UBE3D: variants seen among roughly 807,000 people sequenced by gnomAD.
UBE3D encodes the protein ubiquitin protein ligase E3D.
A neutral mutation model predicts 49.6 loss-of-function variants in UBE3D; 48 were observed. The observed-to-expected ratio is 0.97, with a 90% confidence interval of 0.77 to 1.23. UBE3D has a LOEUF of 1.23. Among genes scored for constraint, UBE3D ranks in the 50% most tolerant of loss-of-function variants. The pLI is 0.00. For missense variants in UBE3D, 452 were observed against 468.4 expected, an observed-to-expected ratio of 0.96 and a Z score of 0.32; for synonymous variants, 189 against 174.2, an observed-to-expected ratio of 1.08 and a Z score of -0.67.
chr6:83,006,351 G>A (rs1779979414), intron 8 of UBE3D, among the ~76,000 whole-genome samples: 1 of 152,192 alleles, frequency 6.6e-6, no homozygotes, highest in African/African-American at 2.4e-5. Context: ...TGCTTTTCCT[G>A]TATTTGGAGA....
chr6:82,927,641 T>A (rs1314187183), intron 9 of UBE3D, among the ~76,000 whole-genome samples: 1 of 151,878 alleles, frequency 6.6e-6, no homozygotes, highest in Non-Finnish European at 1.5e-5. Flanking sequence ...AAAGGTACTG[T>A]TTTTAATTCC....
chr6:83,016,760 AC>A (rs1342712312), intron 8 of UBE3D, among the ~76,000 whole-genome samples: 1 of 152,140 alleles, frequency 6.6e-6, no homozygotes, highest in Non-Finnish European at 1.5e-5. Context: ...TCAAGGTCCC[AC>A]AATAGGCCAT....
intron 9 of UBE3D, among the ~76,000 whole-genome samples, chr6:82,898,168 G>A (rs1252344314): frequency 1.3e-5 from 2 of 152,206 alleles, no homozygotes; most frequent in Non-Finnish European, 2.9e-5. Context: ...TCATTAAAAA[G>A]TCAGGAAACA....
At chr6:82,961,361 C>G (rs1171633672) in intron 8 of UBE3D, among the ~76,000 whole-genome samples, 2 of 152,156 alleles carry the variant, frequency 1.3e-5, no homozygotes, top group African/African-American at 2.4e-5. Flanking sequence ...CTAACACATC[C>G]AGGCACCAGG....
rs543886807 is a variant in UBE3D, at chr6:82,905,579, C to G, written c.1150-12537G>C. Among the ~76,000 whole-genome samples, 5 of 152,180 alleles carry G rather than the reference C, an allele frequency of 3.3e-5. No homozygotes were observed. In the East Asian group the frequency reaches 9.7e-4, roughly 29 times the overall value. ...TACCCTACAGTGGCCTCTAAATGTT[C>G]AAGTGGAAGGAAGAGCCACACATTT... On this transcript the variant is annotated intron_variant, in intron 9 of 9. Transcript: ENST00000369747.
At chr6:82,957,110 C>T (rs1776210516) in intron 9 of UBE3D, among the ~76,000 whole-genome samples, 1 of 152,150 alleles carries the variant, frequency 6.6e-6, no homozygotes, top group African/African-American at 2.4e-5. Flanking sequence ...GCCTGGGCAA[C>T]AGAGAGAGTC....
At chr6:82,959,395 G>A (rs969124472) in intron 8 of UBE3D, among the ~76,000 whole-genome samples, 1 of 151,458 alleles carries the variant, frequency 6.6e-6, no homozygotes, top group Non-Finnish European at 1.5e-5. Context: ...CCACCAGCCC[G>A]CAAACCTAGA....
At chr6:82,888,779 T>C (rs1280798533), downstream of UBE3D, among the ~76,000 whole-genome samples, 1 of 151,994 alleles carries the variant, frequency 6.6e-6, no homozygotes, top group African/African-American at 2.4e-5. Flanking sequence ...AAAAGAATGG[T>C]AGTACAGTTT....
At chr6:82,905,301 T>C (rs1302706879) in intron 9 of UBE3D, among the ~76,000 whole-genome samples, 1 of 152,186 alleles carries the variant, frequency 6.6e-6, no homozygotes, top group Non-Finnish European at 1.5e-5. Flanking sequence ...CACATTTTGG[T>C]AATTCTCTCA....
chr6:83,019,482 A>C (rs532423403), intron 7 of UBE3D, among the ~76,000 whole-genome samples: 9 of 152,360 alleles, frequency 5.9e-5, no homozygotes, highest in Non-Finnish European at 1.0e-4. Context: ...TGATAAATAA[A>C]CATATATTAG....
intron 9 of UBE3D, among the ~76,000 whole-genome samples, chr6:82,901,983 G>T (rs1257944323): frequency 6.6e-6 from 1 of 152,136 alleles, no homozygotes; most frequent in Non-Finnish European, 1.5e-5. Context: ...AGTTAGCAGG[G>T]ACAGCTTCTG....
At chr6:83,046,672 C>CGGTG (rs1554211624) in intron 3 of UBE3D, among the ~76,000 whole-genome samples, 1 of 105,054 alleles carries the variant, frequency 9.5e-6, no homozygotes, top group Non-Finnish European at 1.8e-5. Flanking sequence ...TTGCAGTTGG[C>CGGTG]GGGGGGGGTG....
intron 8 of UBE3D, among the ~76,000 whole-genome samples, chr6:82,966,553 G>A (rs1489299874): frequency 9.8e-6 from 1 of 102,516 alleles, no homozygotes; most frequent in Non-Finnish European, 2.0e-5. Flanking sequence ...GGGAGGCTGA[G>A]GCAGGAGAAT....
At chr6:83,060,389 G>A (rs1428823718) in intron 1 of UBE3D, among the ~76,000 whole-genome samples, 1 of 152,224 alleles carries the variant, frequency 6.6e-6, no homozygotes, top group Non-Finnish European at 1.5e-5. Context: ...CCCTATGGTG[G>A]TGGGGCAGAA....
rs541834339 is a variant in UBE3D, at chr6:82,956,220, T to C, written c.1149+1092A>G. ...ACCCTTCAGAAGTAGAAACAACCCATGTTTATTTATTTCTCAGCAACGTAG... is the reference window on the plus strand; with the variant it reads ...ACCCTTCAGAAGTAGAAACAACCCACGTTTATTTATTTCTCAGCAACGTAG... On this transcript the variant is annotated intron_variant, in intron 9 of 9. Coordinates refer to ENST00000369747, the MANE Select transcript of UBE3D (RefSeq NM_198920.3). Among the ~76,000 whole-genome samples, 39 of 152,298 alleles carry C rather than the reference T, an allele frequency of 2.6e-4. 1 individual carries two copies. The South Asian group carries it at 6.0e-3, about 23-fold the overall frequency.
At chr6:83,031,078 G>A (rs1312127679) in intron 5 of UBE3D, among the ~76,000 whole-genome samples, 5 of 152,054 alleles carry the variant, frequency 3.3e-5, no homozygotes, top group African/African-American at 1.2e-4. Context: ...TGCGATATCA[G>A]CTCACTGCAA....
At chr6:82,894,436 G>A (rs908045373) in intron 9 of UBE3D, among the ~76,000 whole-genome samples, 2 of 152,048 alleles carry the variant, frequency 1.3e-5, no homozygotes, top group African/African-American at 2.4e-5. Context: ...CCTGCCGGGC[G>A]GTAAGCCATA....
At chr6:83,001,353 T>C (rs1348493788) in intron 8 of UBE3D, among the ~76,000 whole-genome samples, 1 of 152,246 alleles carries the variant, frequency 6.6e-6, no homozygotes, top group Non-Finnish European at 1.5e-5. Flanking sequence ...AGAGTACACA[T>C]TTAATAAGTA....
At chr6:83,020,657 T>A (rs1781029760) in intron 7 of UBE3D, among the ~76,000 whole-genome samples, 1 of 152,168 alleles carries the variant, frequency 6.6e-6, no homozygotes, top group Admixed American at 6.5e-5. Context: ...TTCAGAAAAC[T>A]GTGAGGTATA....
Sources: allele counts gnomAD v4.1 joint callset (sites outside exome capture counted in the v4.1 genomes callset), GRCh38; gene constraint gnomAD v4.1.1; transcripts MANE v1.5; gene names NCBI Gene and HGNC (gene_info 2026-07-23, HGNC 2026-07-21).